Variants in NDUFA5 observed in about 807,000 individuals in gnomAD.
NDUFA5 encodes the protein NADH dehydrogenase [ubiquinone] 1 alpha subcomplex subunit 5.
In NDUFA5, 11 loss-of-function variants were observed where a neutral mutation model predicts 19.8. That is an observed-to-expected ratio of 0.56 (90% CI 0.35 to 0.92). NDUFA5 has a LOEUF of 0.92. Among genes scored for constraint, NDUFA5 ranks in the 40% least tolerant of loss-of-function variants. The pLI, the probability that NDUFA5 is intolerant of heterozygous loss-of-function variation, is 0.01. For missense variants in NDUFA5, 109 were observed against 134.2 expected, an observed-to-expected ratio of 0.81 and a Z score of 0.93; for synonymous variants, 47 against 46.8, an observed-to-expected ratio of 1.00 and a Z score of -0.01.
chr7:123,557,614 G>A, intron 1 of NDUFA5, 161 bp downstream of exon 1: 2 of 1,613,368 alleles, frequency 1.2e-6, no homozygotes, highest in Non-Finnish European at 1.7e-6. Flanking sequence ...TCTCGGAGCG[G>A]AACCACTAAC....
rs1797779581 is a variant in NDUFA5 at position 123,537,237 on chromosome 7, T to C, written c.*4882A>G. On this transcript the variant is annotated 3_prime_UTR_variant, in exon 5 of 5. Coordinates refer to ENST00000355749, the MANE Select transcript of NDUFA5 (RefSeq NM_005000.5). ...ATAAACATTTCTTTTGATGTGCTTT[T>C]ATTTTTACAAAGATGCCACCTAGTG... The C allele has an allele frequency of 1.3e-5, 2 of 152,232 alleles. No individual in the cohort carries two copies. The highest frequency in any genetic ancestry group is 2.9e-5 in the Non-Finnish European group (2 of 68,024). 9.4% of individuals were successfully genotyped at this position (152,232 alleles called of 1,614,324 possible). A position where few individuals can be genotyped will look rare whatever the true frequency, so the allele number is the denominator to read the frequency against.
At chr7:123,558,664 A>C (rs946584223), upstream of NDUFA5, among the ~76,000 whole-genome samples, 2 of 152,214 alleles carry the variant, frequency 1.3e-5, no homozygotes, top group African/African-American at 4.8e-5. Flanking sequence ...AGAGGTTAAA[A>C]ATGTATATAT....
chr7:123,565,861 A>T, the NDUFA5 span, among the ~76,000 whole-genome samples: 1 of 152,144 alleles, frequency 6.6e-6, no homozygotes, highest in Non-Finnish European at 1.5e-5. Context: ...TACTAAAAAT[A>T]CAAAAAAATT....
chr7:123,559,888 GA>G (rs1404823071), upstream of NDUFA5, among the ~76,000 whole-genome samples: 7 of 132,144 alleles, frequency 5.3e-5, no homozygotes, highest in Non-Finnish European at 9.9e-5. Context: ...AAAGAAAAAA[GA>G]AAATAAAACT....
At chr7:123,569,562 AGAGT>A in the NDUFA5 span, among the ~76,000 whole-genome samples, 2 of 152,232 alleles carry the variant, frequency 1.3e-5, no homozygotes, top group Non-Finnish European at 2.9e-5. Flanking sequence ...AGGAAGTGAG[AGAGT>A]CAGTGCATCT....
chr7:123,575,818 T>TTC, the NDUFA5 span, among the ~76,000 whole-genome samples: 1 of 148,534 alleles, frequency 6.7e-6, no homozygotes, highest in East Asian at 2.0e-4. Context: ...GAAGTTTTCT[T>TTC]TTTTTTTTTT....
chr7:123,578,978 G>A, the NDUFA5 span, among the ~76,000 whole-genome samples: 1 of 151,904 alleles, frequency 6.6e-6, no homozygotes, highest in Non-Finnish European at 1.5e-5. Flanking sequence ...ATAATGCTGG[G>A]GTTTGGGCTT....
Position 123,537,744 on chromosome 7 carries a change from A to G in NDUFA5, c.*4375T>C, listed in dbSNP as rs905363783. On this transcript the variant is annotated 3_prime_UTR_variant, in exon 5 of 5. Transcript: ENST00000355749. ...GAGATTTTTGAAATTAGGAATTTAG[A>G]TAAGGGACTTTGGACCTGTTTTACT... The G allele has an allele frequency of 1.3e-5, 2 of 152,168 alleles. No homozygotes were observed. Among genetic ancestry groups the G allele is most frequent in the African/African-American group, 4.8e-5 (2 of 41,444 alleles). The allele number at this position is 152,168 out of a possible 1,614,324, so 9.4% of individuals were successfully genotyped here.
At chr7:123,594,279 G>A in the NDUFA5 span, among the ~76,000 whole-genome samples, 1 of 152,032 alleles carries the variant, frequency 6.6e-6, no homozygotes, top group Non-Finnish European at 1.5e-5. Context: ...GCCTACTTCT[G>A]TCAACTCGTC....
the NDUFA5 span, among the ~76,000 whole-genome samples, chr7:123,593,505 G>T: frequency 6.6e-6 from 1 of 152,100 alleles, no homozygotes; most frequent in Non-Finnish European, 1.5e-5. Flanking sequence ...GTCTATAAAG[G>T]ATTTTATTTC....
At chr7:123,599,893 G>A in the NDUFA5 span, among the ~76,000 whole-genome samples, 1 of 152,108 alleles carries the variant, frequency 6.6e-6, no homozygotes, top group Non-Finnish European at 1.5e-5. Flanking sequence ...ATTCTCACCA[G>A]ACAAAACTAG....
chr7:123,594,498 T>A, the NDUFA5 span, among the ~76,000 whole-genome samples: 1 of 152,184 alleles, frequency 6.6e-6, no homozygotes, highest in African/African-American at 2.4e-5. Context: ...GTTGATGCTA[T>A]TCCTTTCTGT....
At position 123,556,966 on chromosome 7, in the gene NDUFA5, G is replaced by C. The variant is rs370964594; in HGVS notation, c.66+438C>G. ...ACAAGAAGAATAAAAAAATTTTGTGGGTTTTTTTGATGAAAACATTCGTGA... is the reference window on the plus strand; with the variant it reads ...ACAAGAAGAATAAAAAAATTTTGTGCGTTTTTTTGATGAAAACATTCGTGA... On this transcript the variant is annotated intron_variant, in intron 2 of 4. Transcript: ENST00000355749. 411 of 449,290 alleles carry C rather than the reference G, an allele frequency of 9.1e-4. 1 individual carries two copies. The highest frequency in any genetic ancestry group is 7.1e-3 in the African/African-American group (349 of 48,954). 27.8% of individuals were successfully genotyped at this position (449,290 alleles called of 1,614,324 possible).
At chr7:123,591,520 G>T in the NDUFA5 span, among the ~76,000 whole-genome samples, 1 of 152,086 alleles carries the variant, frequency 6.6e-6, no homozygotes, top group Non-Finnish European at 1.5e-5. Context: ...GGCTGTTGAA[G>T]TTTGTCGAAG....
intron 2 of NDUFA5, 68 bp from the exon 3 acceptor site, chr7:123,550,654 C>T: frequency 1.1e-6 from 1 of 899,894 alleles, no homozygotes; most frequent in Non-Finnish European, 1.7e-6. Context: ...GAACACTTGT[C>T]TCAAAGACAA....
the NDUFA5 span, among the ~76,000 whole-genome samples, chr7:123,597,930 G>GTGTGTGTC: frequency 9.6e-5 from 8 of 83,078 alleles, no homozygotes; most frequent in African/African-American, 3.1e-4. Flanking sequence ...GTGTGTGTGT[G>GTGTGTGTC]TGTGTGTGTG....
chr7:123,575,267 C>T, the NDUFA5 span, among the ~76,000 whole-genome samples: 2 of 151,928 alleles, frequency 1.3e-5, no homozygotes, highest in Non-Finnish European at 2.9e-5. Flanking sequence ...GAAACTATCA[C>T]GTTCCTTCTT....
the NDUFA5 span, among the ~76,000 whole-genome samples, chr7:123,580,912 T>C: frequency 3.9e-5 from 6 of 152,154 alleles, 1 homozygote; most frequent in Non-Finnish European, 7.4e-5. Context: ...AAGTCTATTA[T>C]GAAAAGAGAC....
In NDUFA5 at chr7:123,537,046, G is replaced by C. The variant is rs1277766979; in HGVS notation, c.*5073C>G. 2.6e-5 allele frequency: 4 copies of C among 152,068 alleles called. No individual in the cohort carries two copies. Among genetic ancestry groups the C allele is most frequent in the Admixed American group, 6.6e-5 (1 of 15,262 alleles). The allele number at this position is 152,068 out of a possible 1,614,324, so 9.4% of individuals were successfully genotyped here. A position where few individuals can be genotyped will look rare whatever the true frequency, so the allele number is the denominator to read the frequency against. On this transcript the variant is annotated 3_prime_UTR_variant, in exon 5 of 5. Coordinates refer to ENST00000355749, the MANE Select transcript of NDUFA5 (RefSeq NM_005000.5). ...TCAAACTTAATGAAAACAACCAATA[G>C]GAAAAAGCTTCTCAATTCCAAAAGT...
Sources: allele counts gnomAD v4.1 joint callset (sites outside exome capture counted in the v4.1 genomes callset), GRCh38; gene constraint gnomAD v4.1.1; transcripts MANE v1.5; gene names NCBI Gene and HGNC (gene_info 2026-07-23, HGNC 2026-07-21).